MACROD2: variants seen among roughly 807,000 people sequenced by gnomAD.
MACROD2 encodes the protein mono-ADP ribosylhydrolase 2, also known as ADP-ribose glycohydrolase MACROD2.
MACROD2 carries 36 observed loss-of-function variants against 70.4 expected under a neutral mutation model. The ratio of observed to expected loss-of-function variants is 0.51; its 90% CI spans 0.39 to 0.68. The LOEUF is 0.68. Among genes scored for constraint, MACROD2 ranks in the 30% least tolerant of loss-of-function variants. MACROD2 has a pLI of 0.00. For synonymous variants in MACROD2, 172 were observed against 178.8 expected (o/e 0.96, Z 0.30); for missense variants, 496 against 538.4 (o/e 0.92, Z 0.78).
intron 15 of MACROD2, among the ~76,000 whole-genome samples, chr20:16,036,822 CA>C (rs1421718770): frequency 4.6e-5 from 7 of 151,984 alleles, no homozygotes; most frequent in Non-Finnish European, 8.8e-5. Flanking sequence ...CACGCACATG[CA>C]AATTCACATA....
chr20:15,945,172 C>T (rs1285192221), intron 12 of MACROD2, among the ~76,000 whole-genome samples: 1 of 152,188 alleles, frequency 6.6e-6, no homozygotes, highest in Non-Finnish European at 1.5e-5. Flanking sequence ...TCCATTTAAA[C>T]ATTTTCAAGG....
At chr20:15,595,383 A>G (rs1341846843) in intron 8 of MACROD2, among the ~76,000 whole-genome samples, 1 of 152,236 alleles carries the variant, frequency 6.6e-6, no homozygotes, top group Non-Finnish European at 1.5e-5. Context: ...GAAAGTAATT[A>G]GCAATGTATG....
intron 7 of MACROD2, among the ~76,000 whole-genome samples, chr20:15,491,214 C>T (rs542580548): frequency 6.6e-6 from 1 of 152,208 alleles, no homozygotes; most frequent in East Asian, 1.9e-4. Flanking sequence ...TTATACTCCC[C>T]GAAGTGAAAT....
intron 8 of MACROD2, among the ~76,000 whole-genome samples, chr20:15,672,494 GACA>G (rs2049994457): frequency 6.6e-6 from 1 of 151,902 alleles, no homozygotes; most frequent in South Asian, 2.1e-4. Context: ...CTTTTCTCCT[GACA>G]ACACCATTCT....
At chr20:15,026,539 C>T (rs916968493) in intron 5 of MACROD2, among the ~76,000 whole-genome samples, 37 of 151,424 alleles carry the variant, frequency 2.4e-4, no homozygotes, top group East Asian at 3.9e-4. Flanking sequence ...TTTTTACTAT[C>T]GGTTCCCATT....
intron 8 of MACROD2, among the ~76,000 whole-genome samples, chr20:15,827,326 T>C (rs536544969): frequency 6.6e-6 from 1 of 152,304 alleles, no homozygotes; most frequent in South Asian, 2.1e-4. Flanking sequence ...GTATATAAGA[T>C]ATTATTTAGA....
chr20:15,990,469 T>TC (rs1322130190), intron 15 of MACROD2, among the ~76,000 whole-genome samples: 1 of 152,212 alleles, frequency 6.6e-6, no homozygotes, highest in Non-Finnish European at 1.5e-5. Flanking sequence ...GATATTTTTT[T>TC]CTCTAAGTGT....
At chr20:14,139,708 G>A (rs981172634) in intron 3 of MACROD2, among the ~76,000 whole-genome samples, 1 of 152,138 alleles carries the variant, frequency 6.6e-6, no homozygotes, top group African/African-American at 2.4e-5. Context: ...AGAATATTTT[G>A]TAACAGTTTT....
At chr20:14,039,649 T>C (rs1270758848) in intron 2 of MACROD2, among the ~76,000 whole-genome samples, 1 of 152,160 alleles carries the variant, frequency 6.6e-6, no homozygotes, top group Non-Finnish European at 1.5e-5. Context: ...CTTAGTTTTT[T>C]AACTATAAAA....
chr20:15,229,758 C>G (rs912492848), intron 5 of MACROD2, among the ~76,000 whole-genome samples, 182 bp from the exon 6 acceptor site: 23 of 152,166 alleles, frequency 1.5e-4, no homozygotes, highest in African/African-American at 5.3e-4. Flanking sequence ...AAATTGCCTA[C>G]TTTAGGAGGT....
chr20:15,683,395 A>G (rs1034036223), intron 8 of MACROD2, among the ~76,000 whole-genome samples: 3 of 152,230 alleles, frequency 2.0e-5, no homozygotes, highest in Non-Finnish European at 4.4e-5. Context: ...AATAACCAAG[A>G]TGGTAATTCC....
At chr20:14,200,982 A>T (rs2081474958) in intron 3 of MACROD2, among the ~76,000 whole-genome samples, 5 of 141,642 alleles carry the variant, frequency 3.5e-5, no homozygotes, top group African/African-American at 7.8e-5. Context: ...CTTTTTTTGG[A>T]CTATTCCTTT....
At chr20:15,301,175 A>G (rs185101641) in intron 6 of MACROD2, among the ~76,000 whole-genome samples, 2 of 152,218 alleles carry the variant, frequency 1.3e-5, no homozygotes, top group African/African-American at 2.4e-5. Context: ...GAGGGTGGGC[A>G]TGTAGTTTCC....
chr20:15,961,189 C>A (rs2066055606), intron 12 of MACROD2, among the ~76,000 whole-genome samples: 1 of 152,038 alleles, frequency 6.6e-6, no homozygotes, highest in Admixed American at 6.6e-5. Context: ...AAAAAGTAAG[C>A]ACATGGGGGA....
intron 4 of MACROD2, among the ~76,000 whole-genome samples, chr20:14,646,486 T>C (rs1048843493): frequency 6.6e-6 from 1 of 152,140 alleles, no homozygotes; most frequent in Admixed American, 6.6e-5. Context: ...AGTATTATAT[T>C]ATCCAACTAT....
At chr20:14,690,574 T>C (rs2071051655) in intron 5 of MACROD2, among the ~76,000 whole-genome samples, 1 of 152,228 alleles carries the variant, frequency 6.6e-6, no homozygotes, top group South Asian at 2.1e-4. Context: ...TAAAGTTTTC[T>C]TACAACACAA....
chr20:14,602,105 G>A (rs1470000339), intron 4 of MACROD2, among the ~76,000 whole-genome samples: 2 of 152,142 alleles, frequency 1.3e-5, no homozygotes, highest in Admixed American at 6.5e-5. Flanking sequence ...AATTAGGCAT[G>A]TGGACACATT....
chr20:15,888,155 C>A (rs1368646314), intron 10 of MACROD2, among the ~76,000 whole-genome samples: 1 of 152,084 alleles, frequency 6.6e-6, no homozygotes, highest in African/African-American at 2.4e-5. Context: ...ATGTTTACTT[C>A]TGAGAGAATA....
chr20:14,726,227 A>T (rs940969356), intron 5 of MACROD2, among the ~76,000 whole-genome samples: 8 of 152,190 alleles, frequency 5.3e-5, no homozygotes, highest in African/African-American at 1.4e-4. Context: ...CAAAGACATC[A>T]TTAAATGTGA....
Sources: gnomAD v4.1 joint callset for allele counts (sites outside exome capture counted in the v4.1 genomes callset) on GRCh38, gnomAD v4.1.1 for gene constraint, MANE v1.5 for transcripts, NCBI Gene and HGNC (gene_info 2026-07-23, HGNC 2026-07-21) for gene names.